The following EIF4E variants were observed in gnomAD, a reference collection of about 807,000 sequenced individuals.
The protein encoded by EIF4E is eIF-4F 25 kDa subunit.
For synonymous variants in EIF4E, 71 were observed against 88.5 expected, an observed-to-expected ratio of 0.80 and a Z score of 1.11; for missense variants, 113 against 265.6, an observed-to-expected ratio of 0.43 and a Z score of 3.99.
chr4:98,902,350 G>A (rs1010765057), intron 1 of EIF4E, among the ~76,000 whole-genome samples: 3 of 152,184 alleles, frequency 2.0e-5, no homozygotes, highest in Admixed American at 2.0e-4. Flanking sequence ...GATTACAGGC[G>A]TGAGCCACCA....
In EIF4E at chr4:98,879,435, A is replaced by G. The variant is rs922475218; in HGVS notation, c.*1593T>C. On this transcript the variant is annotated 3_prime_UTR_variant, in exon 7 of 7. Transcript: ENST00000450253. Reference sequence around the variant, plus strand: ...TGGCTTATCCTTTGGTCTGATAGCCATACTTCATCTCACAGGACTATACAA... The same window carrying G: ...TGGCTTATCCTTTGGTCTGATAGCCGTACTTCATCTCACAGGACTATACAA... 1 of 152,176 alleles carries G rather than the reference A, an allele frequency of 6.6e-6. No individual in the cohort carries two copies. The highest frequency in any genetic ancestry group is 1.5e-5 in the Non-Finnish European group (1 of 68,016). 9.4% of individuals were successfully genotyped at this position (152,176 alleles called of 1,614,324 possible).
chr4:98,884,411 A>G (rs1003449970), intron 6 of EIF4E, among the ~76,000 whole-genome samples: 2 of 151,568 alleles, frequency 1.3e-5, no homozygotes, highest in South Asian at 2.1e-4. Flanking sequence ...AATAAAAAAC[A>G]TATGAAAAAG....
At chr4:98,910,734 C>CTTT (rs201056576) in intron 1 of EIF4E, among the ~76,000 whole-genome samples, 1 of 145,086 alleles carries the variant, frequency 6.9e-6, no homozygotes. Context: ...TGGATGGATT[C>CTTT]TTTTTTTTTT....
chr4:98,905,247 GA>G (rs1347462978), intron 1 of EIF4E, among the ~76,000 whole-genome samples: 5 of 143,908 alleles, frequency 3.5e-5, no homozygotes, highest in African/African-American at 5.3e-5. Context: ...AAAAAAAAAG[GA>G]AAAAAAATTA....
chr4:98,910,144 C>A (rs1313879924), intron 1 of EIF4E, among the ~76,000 whole-genome samples: 2 of 152,156 alleles, frequency 1.3e-5, no homozygotes, highest in Non-Finnish European at 2.9e-5. Context: ...GCTAATCTGG[C>A]ATCACTCATG....
At position 98,893,852 on chromosome 4, in the gene EIF4E, T is replaced by C. The variant is rs112305537; in HGVS notation, c.126-2520A>G. Among the ~76,000 whole-genome samples the C allele has an allele frequency of 4.2e-3, 644 of 152,346 alleles. 5 individuals are homozygous for C. Among genetic ancestry groups the C allele is most frequent in the African/African-American group, 0.014 (576 of 41,574 alleles). On this transcript the variant is annotated intron_variant, in intron 2 of 6. Transcript: ENST00000450253. ...TTCGGAAGGTTTTCCATTTACTTTG[T>C]CCAGATCCATCAAAGGAATCACTAT...
chr4:98,909,546 T>C, intron 1 of EIF4E: 1 of 641,636 alleles, frequency 1.6e-6, no homozygotes, highest in Non-Finnish European at 2.8e-6. Context: ...TTCAGGCTTC[T>C]AACTCCACTG....
intron 1 of EIF4E, among the ~76,000 whole-genome samples, chr4:98,913,865 TA>T (rs1452362693): frequency 6.6e-6 from 1 of 151,882 alleles, no homozygotes; most frequent in Non-Finnish European, 1.5e-5. Context: ...AAAATTAAAA[TA>T]AAAACATCTA....
At chr4:98,899,297 A>G (rs1724550721) in intron 2 of EIF4E, among the ~76,000 whole-genome samples, 1 of 152,240 alleles carries the variant, frequency 6.6e-6, no homozygotes, top group South Asian at 2.1e-4. Flanking sequence ...GTCCTCAGAT[A>G]AAAACCACAA....
intron 1 of EIF4E, among the ~76,000 whole-genome samples, chr4:98,910,905 A>C (rs1386869982): frequency 6.6e-6 from 1 of 151,082 alleles, no homozygotes; most frequent in Non-Finnish European, 1.5e-5. Context: ...AATTATTTGT[A>C]TTTTAAGTAG....
intron 2 of EIF4E, among the ~76,000 whole-genome samples, chr4:98,892,074 C>T (rs1206682308): frequency 5.9e-5 from 9 of 152,120 alleles, no homozygotes; most frequent in Non-Finnish European, 1.2e-4. Context: ...GAGCTGGGCG[C>T]GGTGGTTCAC....
At chr4:98,898,930 T>A (rs1579162481) in intron 2 of EIF4E, among the ~76,000 whole-genome samples, 2 of 151,728 alleles carry the variant, frequency 1.3e-5, no homozygotes, top group South Asian at 4.2e-4. Flanking sequence ...GTGACTACTA[T>A]GCAACTATTA....
intron 2 of EIF4E, 71 bp from the exon 3 acceptor site, chr4:98,891,403 A>G: frequency 7.0e-7 from 1 of 1,425,422 alleles, no homozygotes; most frequent in Non-Finnish European, 9.7e-7. Context: ...TATTCACAAA[A>G]GTCAAAAGGT....
chr4:98,894,070 CT>C (rs1354306149), intron 2 of EIF4E, among the ~76,000 whole-genome samples: 1 of 152,186 alleles, frequency 6.6e-6, no homozygotes, highest in Non-Finnish European at 1.5e-5. Context: ...TGAAAGGAAA[CT>C]TTTTTTCTGG....
At chr4:98,898,700 T>G (rs1724522677) in intron 2 of EIF4E, among the ~76,000 whole-genome samples, 1 of 152,206 alleles carries the variant, frequency 6.6e-6, no homozygotes, top group African/African-American at 2.4e-5. Context: ...CGAATAATTT[T>G]ACATTTCTCA....
At chr4:98,895,499 T>C (rs1032713173) in intron 2 of EIF4E, 1 of 152,206 alleles carries the variant, frequency 6.6e-6, no homozygotes, top group Non-Finnish European at 1.5e-5. Flanking sequence ...ACGAATGTTG[T>C]CTGAAGAGCC....
At chr4:98,915,545 C>CTTTTTTTTTTTT (rs879404692) in intron 1 of EIF4E, among the ~76,000 whole-genome samples, 26 of 144,454 alleles carry the variant, frequency 1.8e-4, no homozygotes, top group African/African-American at 6.6e-4. Context: ...TTGTAAATTA[C>CTTTTTTTTTTTT]TTTTTTTTTT....
chr4:98,912,265 G>T (rs1344831840), intron 1 of EIF4E, among the ~76,000 whole-genome samples: 1 of 144,024 alleles, frequency 6.9e-6, no homozygotes, highest in Non-Finnish European at 1.5e-5. Flanking sequence ...AAAAAAAAAA[G>T]AAGAAAAAGA....
At chr4:98,923,300 G>A (rs201497268) in intron 1 of EIF4E, among the ~76,000 whole-genome samples, 16 of 147,106 alleles carry the variant, frequency 1.1e-4, no homozygotes, top group African/African-American at 1.8e-4. Flanking sequence ...ACACACACAC[G>A]CAAAATCATT....
Sources: gnomAD v4.1 joint callset for allele counts (sites outside exome capture counted in the v4.1 genomes callset) on GRCh38, gnomAD v4.1.1 for gene constraint, MANE v1.5 for transcripts, NCBI Gene and HGNC (gene_info 2026-07-23, HGNC 2026-07-21) for gene names.